SNED1: variants seen among roughly 807,000 people sequenced by gnomAD.
SNED1 encodes the protein sushi, nidogen and EGF-like domain-containing protein 1.
In SNED1, 81 loss-of-function variants were observed where a neutral mutation model predicts 166.7. The ratio of observed to expected loss-of-function variants is 0.49; its 90% CI spans 0.41 to 0.58. SNED1 has a LOEUF of 0.58. Among genes scored for constraint, SNED1 ranks in the 20% least tolerant of loss-of-function variants. SNED1 has a pLI of 0.00. For missense variants in SNED1, 1,604 were observed against 2,000.2 expected (o/e 0.80, Z 3.78); for synonymous variants, 762 against 822.0 (o/e 0.93, Z 1.25).
At chr2:241,087,314 G>T (rs2063634233) in intron 29 of SNED1, 78 bp from the exon 30 acceptor site, 1 of 1,381,168 alleles carries the variant, frequency 7.2e-7, no homozygotes, top group South Asian at 1.4e-5. Context: ...TTTACTGTGG[G>T]TTCACATAGC....
intron 16 of SNED1, among the ~76,000 whole-genome samples, chr2:241,061,370 G>A (rs2062224087): frequency 6.6e-6 from 1 of 152,352 alleles, no homozygotes; most frequent in Admixed American, 6.5e-5. Flanking sequence ...ATACCGGTGA[G>A]AATGTGGATC....
chr2:241,072,770 G>A, intron 26 of SNED1: 1 of 189,418 alleles, frequency 5.3e-6, no homozygotes, highest in South Asian at 1.0e-4. Context: ...TGTACTTGCA[G>A]CTATGGAAGC....
chr2:241,065,317 C>T lies in SNED1; in HGVS notation c.2732C>T (p.Ala911Val). The T allele has an allele frequency of 1.2e-6, 2 of 1,612,852 alleles. No individual in the cohort carries two copies. Among genetic ancestry groups the T allele is most frequent in the Non-Finnish European group, 1.7e-6 (2 of 1,179,840 alleles). ...CCTGAAGAGCTCTTCCCACCGACGGCCCTCAAGATGGAGAGAGTGGAGGAG... is the reference window on the plus strand; with the variant it reads ...CCTGAAGAGCTCTTCCCACCGACGGTCCTCAAGATGGAGAGAGTGGAGGAG... ...DCAKELFPPT[A>V]LKMERVEESG... is the part of the protein sequence containing the mutation. The change falls in exon 21 of 32, where the codon GCC becomes GTC. Residue 911 changes from alanine (A) to valine (V), a missense_variant. Physicochemically the swap from Ala to Val is moderately conservative, Grantham distance 64. This residue lies in a region of SNED1 where 1,237 missense variants were observed against 1,620.8 expected (regional missense o/e 0.76). Transcript: ENST00000310397.
chr2:241,009,838 G>A (rs902796781), intron 1 of SNED1, among the ~76,000 whole-genome samples: 9 of 152,118 alleles, frequency 5.9e-5, no homozygotes, highest in Admixed American at 2.0e-4. Context: ...GTGTTTCCCC[G>A]GAGGCCTAGC....
chr2:241,089,380 G>T, intron 31 of SNED1: 1 of 1,550,560 alleles, frequency 6.4e-7, no homozygotes. Context: ...AAAAATAAAG[G>T]AGAAATGTCA....
chr2:241,070,169 A>G lies in SNED1; in HGVS notation c.3557A>G (p.His1186Arg). The G allele has an allele frequency of 6.3e-7, 1 of 1,595,986 alleles. No homozygotes were observed. The highest frequency in any genetic ancestry group is 8.5e-7 in the Non-Finnish European group (1 of 1,175,512). Residue 1186 changes from histidine (H) to arginine (R), a missense_variant, in exon 24 of 32, where the codon CAC becomes CGC. Around this residue, in one of 2 missense-constraint regions of SNED1, gnomAD observed 367 missense variants for 379.4 expected, o/e 0.97. Coordinates refer to ENST00000310397, the MANE Select transcript of SNED1 (RefSeq NM_001080437.3). ...CAGAGCACGGAGCTCGGGCCGCAGCACAGCGAGCCCGCCCACCTCTACATC... is the reference window on the plus strand; with the variant it reads ...CAGAGCACGGAGCTCGGGCCGCAGCGCAGCGAGCCCGCCCACCTCTACATC... The part of the protein sequence containing the change: ...AVQSTELGPQ[H>R]SEPAHLYIIT...
chr2:241,062,633 GC>G (rs2062275578), intron 16 of SNED1, among the ~76,000 whole-genome samples, 157 bp from the exon 17 acceptor site: 2 of 152,204 alleles, frequency 1.3e-5, no homozygotes, highest in East Asian at 3.9e-4. Flanking sequence ...CCACTGCCCT[GC>G]CCCGACTCCA....
rs1320685425 is a variant in SNED1, at chr2:241,073,054, C to T, written c.3818-212C>T. 12 of 554,672 alleles carry T rather than the reference C, an allele frequency of 2.2e-5. No individual in the cohort carries two copies. The highest frequency in any genetic ancestry group is 8.6e-5 in the East Asian group (3 of 34,786). The allele number at this position is 554,672 out of a possible 1,614,324, so 34.4% of individuals were successfully genotyped here. A position where few individuals can be genotyped will look rare whatever the true frequency, so the allele number is the denominator to read the frequency against. On this transcript the variant is annotated intron_variant, in intron 26 of 31. Coordinates refer to ENST00000310397, the MANE Select transcript of SNED1 (RefSeq NM_001080437.3). This position sits in a 1 kb window ranked among gnomAD's most constrained non-coding sequence, Gnocchi z 6.6. ...TGAGGGGGCCCTGCAAGGGGAAGGC[C>T]GAGCCCCTCCAGAGGGTCAGCAGGA...
intron 1 of SNED1, among the ~76,000 whole-genome samples, chr2:241,017,273 ATGTTAGAGCCT>A (rs1574880933): frequency 6.6e-6 from 1 of 152,204 alleles, no homozygotes; most frequent in East Asian, 1.9e-4. Flanking sequence ...TGAGACTCTC[ATGTTAGAGCCT>A]CATGGCACAG....
chr2:241,021,924 G>C (rs1023992975), intron 1 of SNED1, among the ~76,000 whole-genome samples: 7 of 151,802 alleles, frequency 4.6e-5, no homozygotes, highest in Non-Finnish European at 1.0e-4. Flanking sequence ...TCATCAACAC[G>C]GGTTATTATC....
Position 241,051,805 on chromosome 2 carries a change from C to T in SNED1, c.1797C>T (p.Gly599=), listed in dbSNP as rs1339493013. ...ACGGGGGCACGTGCAAGGAGGCGGGCGGCGAGTACCACTGCAGCTGCCCCT... is the reference window on the plus strand; with the variant it reads ...ACGGGGGCACGTGCAAGGAGGCGGGTGGCGAGTACCACTGCAGCTGCCCCT... ...CRNGGTCKEA[G]GEYHCSCPYR... Residue 599 remains glycine (G), a synonymous_variant, in exon 13 of 32, where the codon GGC becomes GGT. Coordinates refer to ENST00000310397, the MANE Select transcript of SNED1 (RefSeq NM_001080437.3). This position sits in a 1 kb window ranked among gnomAD's most constrained non-coding sequence, Gnocchi z 4.7. 34 of 1,561,148 alleles carry T rather than the reference C, an allele frequency of 2.2e-5. No individual in the cohort carries two copies. The highest frequency in any genetic ancestry group is 4.7e-5 in the East Asian group (2 of 42,114).
Position 241,049,778 on chromosome 2 carries a change from G to A in SNED1, c.1619-39G>A, listed in dbSNP as rs2061772748. On this transcript the variant is annotated intron_variant, in intron 11 of 31. Transcript: ENST00000310397. ...GCCTCTTGCCGCCCGCACAGATGCGGCGTAAGCTCCAGGACCACCCTCTGT... is the reference window on the plus strand; with the variant it reads ...GCCTCTTGCCGCCCGCACAGATGCGACGTAAGCTCCAGGACCACCCTCTGT... 10 of 1,527,484 alleles carry A rather than the reference G, an allele frequency of 6.5e-6. No homozygotes were observed. The South Asian group carries it at 1.1e-4, about 17-fold the overall frequency. 94.6% of individuals were successfully genotyped at this position (1,527,484 alleles called of 1,614,324 possible). A position where few individuals can be genotyped will look rare whatever the true frequency, so the allele number is the denominator to read the frequency against.
intron 1 of SNED1, among the ~76,000 whole-genome samples, chr2:241,012,040 C>T (rs1459673190): frequency 6.6e-6 from 1 of 152,348 alleles, no homozygotes; most frequent in Admixed American, 6.5e-5. Context: ...CACCGCACAC[C>T]TGCAAGCTAG....
At chr2:241,059,011 G>T (rs2062151830) in intron 16 of SNED1, among the ~76,000 whole-genome samples, 1 of 151,952 alleles carries the variant, frequency 6.6e-6, no homozygotes, top group South Asian at 2.1e-4. Context: ...AAAAAAGAGA[G>T]AAATTAGCAA....
intron 9 of SNED1, 87 bp from the exon 10 acceptor site, chr2:241,048,575 G>T: frequency 6.7e-7 from 1 of 1,501,424 alleles, no homozygotes; most frequent in Admixed American, 2.0e-5. Context: ...TGTATGGGAA[G>T]TTGGCCAGGA....
chr2:241,086,934 C>T lies in SNED1; in HGVS notation c.4122-458C>T, dbSNP rs1575138618. Among the ~76,000 whole-genome samples the T allele has an allele frequency of 2.0e-5, 3 of 152,220 alleles. No individual in the cohort carries two copies. The East Asian group carries it at 5.8e-4, about 29-fold the overall frequency. ...TAGCCTGGTTAATAAATGGAAGAGG[C>T]AGGAGATGAAATCGGGTCTCCTGTT... On this transcript the variant is annotated intron_variant, in intron 29 of 31. Coordinates refer to ENST00000310397, the MANE Select transcript of SNED1 (RefSeq NM_001080437.3).
intron 17 of SNED1, among the ~76,000 whole-genome samples, chr2:241,063,126 C>A (rs1472680243): frequency 6.6e-6 from 1 of 152,236 alleles, no homozygotes; most frequent in Non-Finnish European, 1.5e-5. Context: ...AAATGCTGGC[C>A]TGGCTTCAGG....
intron 21 of SNED1, among the ~76,000 whole-genome samples, chr2:241,066,453 T>A (rs1274538591): frequency 1.3e-5 from 2 of 152,080 alleles, no homozygotes; most frequent in Non-Finnish European, 2.9e-5. Context: ...GCACAGGGGA[T>A]CTCGGAACAG....
chr2:241,052,859 G>A (rs1341730277), intron 15 of SNED1, among the ~76,000 whole-genome samples: 1 of 109,210 alleles, frequency 9.2e-6, no homozygotes, highest in Non-Finnish European at 2.2e-5. Context: ...TGGCCGGGGG[G>A]CCGAGCAGGG....
Sources: gnomAD v4.1 joint callset for allele counts (sites outside exome capture counted in the v4.1 genomes callset) on GRCh38, gnomAD v4.1.1 for gene constraint, gnomAD v4.1.1 regional missense constraint, Gnocchi (gnomAD v3.1) non-coding constraint, MANE v1.5 for transcripts, NCBI Gene and HGNC (gene_info 2026-07-23, HGNC 2026-07-21) for gene names.